The following ARHGAP24 variants were observed in gnomAD, a reference collection of about 807,000 sequenced individuals.
ARHGAP24 encodes the protein Rho GTPase activating protein 24.
ARHGAP24 carries 50 observed loss-of-function variants against 76.4 expected under a neutral mutation model. The observed-to-expected ratio is 0.65, with a 90% CI of 0.52 to 0.83. ARHGAP24 has a LOEUF of 0.83. Among genes scored for constraint, ARHGAP24 ranks in the 40% least tolerant of loss-of-function variants. ARHGAP24 has a pLI of 0.00. For synonymous variants in ARHGAP24, 345 were observed against 323.3 expected, an observed-to-expected ratio of 1.07 and a Z score of -0.72; for missense variants, 930 against 914.2, an observed-to-expected ratio of 1.02 and a Z score of -0.22.
chr4:85,490,651 T>A (rs1455704652), intron 1 of ARHGAP24, among the ~76,000 whole-genome samples: 3 of 152,132 alleles, frequency 2.0e-5, no homozygotes, highest in African/African-American at 7.3e-5. Context: ...GAACATTTGT[T>A]TGGGAGCTTT....
intron 2 of ARHGAP24, among the ~76,000 whole-genome samples, chr4:85,574,939 TG>T (rs1043294949): frequency 1.5e-4 from 23 of 152,212 alleles, no homozygotes; most frequent in African/African-American, 5.3e-4. Flanking sequence ...CCACTTTTCT[TG>T]TATTTTCTTT....
intron 2 of ARHGAP24, among the ~76,000 whole-genome samples, chr4:85,604,571 T>C (rs1031091407): frequency 6.6e-6 from 1 of 152,182 alleles, no homozygotes; most frequent in Admixed American, 6.5e-5. Context: ...AAAAGATAGA[T>C]GTATCGTCTC....
intron 9 of ARHGAP24, among the ~76,000 whole-genome samples, chr4:85,996,201 A>G (rs1184641138): frequency 6.6e-6 from 1 of 152,198 alleles, no homozygotes; most frequent in Non-Finnish European, 1.5e-5. Context: ...GCCAGGTGAC[A>G]TAGGGGATTG....
chr4:85,553,183 C>T (rs111946050), intron 1 of ARHGAP24, among the ~76,000 whole-genome samples: 267 of 152,192 alleles, frequency 1.8e-3, no homozygotes, highest in African/African-American at 6.1e-3. Flanking sequence ...CAGACATTCT[C>T]GGTGAGTGTT....
chr4:85,957,546 A>G (rs1263937844), intron 5 of ARHGAP24, among the ~76,000 whole-genome samples: 1 of 152,190 alleles, frequency 6.6e-6, no homozygotes, highest in Non-Finnish European at 1.5e-5. Flanking sequence ...AAATTTAGAA[A>G]TTAGTATTTC....
chr4:85,712,330 C>T lies in ARHGAP24; in HGVS notation c.181-9555C>T, dbSNP rs550075895. Among the ~76,000 whole-genome samples the T allele has an allele frequency of 5.0e-3, 768 of 152,228 alleles. 6 individuals are homozygous for T. The highest frequency in any genetic ancestry group is 0.018 in the African/African-American group (728 of 41,540). On this transcript the variant is annotated intron_variant, in intron 2 of 9. Transcript: ENST00000395184. ...TCCCCAAAAATGATTGACTAATTAA[C>T]TGTTAGGACCATTTACCAGCATTTG...
chr4:85,937,823 A>G (rs931216345), intron 4 of ARHGAP24, among the ~76,000 whole-genome samples: 3 of 152,212 alleles, frequency 2.0e-5, no homozygotes, highest in Admixed American at 1.3e-4. Flanking sequence ...ATCAAATTGC[A>G]AAAGTTAGCA....
intron 5 of ARHGAP24, among the ~76,000 whole-genome samples, chr4:85,971,258 G>A (rs1282244730): frequency 6.6e-6 from 1 of 152,188 alleles, no homozygotes; most frequent in East Asian, 1.9e-4. Flanking sequence ...CCAACATTTT[G>A]AGAGATGAGC....
intron 3 of ARHGAP24, among the ~76,000 whole-genome samples, chr4:85,890,998 T>A (rs1733857697): frequency 6.6e-6 from 1 of 152,040 alleles, no homozygotes; most frequent in Non-Finnish European, 1.5e-5. Context: ...CGATGGATGA[T>A]ATTAGAGACG....
intron 1 of ARHGAP24, among the ~76,000 whole-genome samples, chr4:85,530,134 ACTC>A (rs2110116103): frequency 6.6e-6 from 1 of 151,784 alleles, no homozygotes; most frequent in East Asian, 1.9e-4. Flanking sequence ...AGTCCCATAT[ACTC>A]CTCCAAATCT....
chr4:85,960,084 T>G (rs1738156570), intron 5 of ARHGAP24, among the ~76,000 whole-genome samples: 1 of 152,164 alleles, frequency 6.6e-6, no homozygotes, highest in Admixed American at 6.5e-5. Flanking sequence ...ATCAATCAAG[T>G]CCGCACAAAA....
At chr4:85,590,028 T>C (rs1728019024) in intron 2 of ARHGAP24, among the ~76,000 whole-genome samples, 1 of 152,252 alleles carries the variant, frequency 6.6e-6, no homozygotes. Context: ...AAAAGGAAAT[T>C]GTTCTTAAAG....
At chr4:85,638,474 G>A (rs1303805677) in intron 2 of ARHGAP24, among the ~76,000 whole-genome samples, 8 of 152,140 alleles carry the variant, frequency 5.3e-5, no homozygotes, top group African/African-American at 1.7e-4. Context: ...ATGGTTATGG[G>A]AAGAGAGATT....
chr4:85,498,407 G>A (rs1176384822), intron 1 of ARHGAP24, among the ~76,000 whole-genome samples: 2 of 152,198 alleles, frequency 1.3e-5, no homozygotes, highest in African/African-American at 4.8e-5. Context: ...TATCTTCTCT[G>A]TGACCTACTT....
intron 3 of ARHGAP24, among the ~76,000 whole-genome samples, chr4:85,906,519 A>G (rs2148795263): frequency 6.6e-6 from 1 of 152,308 alleles, no homozygotes; most frequent in East Asian, 1.9e-4. Context: ...TTATAAAAAT[A>G]TTATTTATCT....
At chr4:85,930,524 C>T (rs923764691) in intron 4 of ARHGAP24, 23 of 1,009,212 alleles carry the variant, frequency 2.3e-5, no homozygotes, top group Non-Finnish European at 2.1e-5. Flanking sequence ...TATTTGCTGA[C>T]CTTTCCAGAG....
At chr4:85,826,833 T>A (rs10012380) in intron 3 of ARHGAP24, among the ~76,000 whole-genome samples, 67,624 of 151,924 alleles carry the variant, frequency 0.45, 15,512 homozygotes, top group Non-Finnish European at 0.5. Context: ...GTTAAAAAAA[T>A]TGTCTAAAGG....
At chr4:85,897,574 G>T (rs1455984028) in intron 3 of ARHGAP24, among the ~76,000 whole-genome samples, 1 of 152,118 alleles carries the variant, frequency 6.6e-6, no homozygotes, top group Non-Finnish European at 1.5e-5. Flanking sequence ...GAGACAAAAA[G>T]CTCACAGAAA....
rs1738617902 is a variant in ARHGAP24 at position 85,966,508 on chromosome 4, C to T, written c.600-5528C>T. On this transcript the variant is annotated intron_variant, in intron 5 of 9. Transcript: ENST00000395184. Reference sequence around the variant, plus strand: ...ACAGTTTAACCAGATTCTAGTTTCACTGCTGAAAAGTGCATCTGTTTTGAC... The same window carrying T: ...ACAGTTTAACCAGATTCTAGTTTCATTGCTGAAAAGTGCATCTGTTTTGAC... Among the ~76,000 whole-genome samples, 4 of 152,260 alleles carry T rather than the reference C, an allele frequency of 2.6e-5. No homozygotes were observed. The South Asian group carries it at 8.3e-4, about 32-fold the overall frequency.
Sources: gnomAD v4.1 joint callset for allele counts (sites outside exome capture counted in the v4.1 genomes callset) on GRCh38, gnomAD v4.1.1 for gene constraint, MANE v1.5 for transcripts, NCBI Gene and HGNC (gene_info 2026-07-23, HGNC 2026-07-21) for gene names.